OC90: variants seen among roughly 807,000 people sequenced by gnomAD.
OC90 encodes otoconin-90.
In OC90, 46 loss-of-function variants were observed where a neutral mutation model predicts 47.3. That is an observed-to-expected ratio of 0.97 (90% CI 0.77 to 1.24). The LOEUF is 1.24. Among genes scored for constraint, OC90 ranks in the 50% most tolerant of loss-of-function variants. The pLI, the probability that OC90 is intolerant of heterozygous loss-of-function variation, is 0.00. For synonymous variants in OC90, 271 were observed against 219.5 expected, an observed-to-expected ratio of 1.23 and a Z score of -2.07; for missense variants, 688 against 583.9, an observed-to-expected ratio of 1.18 and a Z score of -1.84.
intron 12 of OC90, among the ~76,000 whole-genome samples, chr8:132,029,621 C>T (rs979009663): frequency 2.6e-5 from 4 of 152,182 alleles, no homozygotes; most frequent in Admixed American, 6.5e-5. Flanking sequence ...AATCTCACAT[C>T]CACAGTGCAC....
intron 3 of OC90, among the ~76,000 whole-genome samples, chr8:132,045,145 A>C (rs1350628407): frequency 6.6e-6 from 1 of 152,204 alleles, no homozygotes; most frequent in Non-Finnish European, 1.5e-5. Context: ...TGGGCATTGC[A>C]CTTCCTCTAG....
intron 6 of OC90, among the ~76,000 whole-genome samples, chr8:132,040,728 G>A (rs761470723): frequency 7.9e-5 from 12 of 152,220 alleles, no homozygotes; most frequent in Non-Finnish European, 1.6e-4. Context: ...AAATAATTCT[G>A]CAATGCTACA....
intron 13 of OC90, among the ~76,000 whole-genome samples, chr8:132,026,211 AAT>A (rs1408599973): frequency 2.0e-5 from 3 of 152,214 alleles, no homozygotes; most frequent in Non-Finnish European, 4.4e-5. Flanking sequence ...ACTCAAATGA[AAT>A]AATATCTTTG....
rs1472395966 is a variant in OC90, at chr8:132,024,450, A to G, written c.*31T>C. On this transcript the variant is annotated 3_prime_UTR_variant, in exon 14 of 14. Transcript: ENST00000254627. Reference sequence around the variant, plus strand: ...CTGAAGGTGGAGCAGGAGCCACGCTACTGAAGGTGTTAGCCATTTTCTCTG... The same window carrying G: ...CTGAAGGTGGAGCAGGAGCCACGCTGCTGAAGGTGTTAGCCATTTTCTCTG... 6.7e-7 allele frequency: 1 copy of G among 1,485,242 alleles called. No homozygotes were observed. The highest frequency in any genetic ancestry group is 1.4e-5 in the African/African-American group (1 of 71,124). 92.0% of individuals were successfully genotyped at this position (1,485,242 alleles called of 1,614,324 possible). A position where few individuals can be genotyped will look rare whatever the true frequency, so the allele number is the denominator to read the frequency against.
intron 2 of OC90, among the ~76,000 whole-genome samples, chr8:132,051,955 C>G (rs1823216423): frequency 6.6e-6 from 1 of 152,088 alleles, no homozygotes; most frequent in African/African-American, 2.4e-5. Context: ...ACTCTTGGCT[C>G]AAATTTAAAA....
chr8:132,031,513 G>A (rs147407583), intron 12 of OC90, among the ~76,000 whole-genome samples: 100 of 152,312 alleles, frequency 6.6e-4, no homozygotes, highest in African/African-American at 2.3e-3. Context: ...CTACATGTTG[G>A]TTATTGCAAA....
At chr8:132,025,812 G>A (rs1032537669) in intron 13 of OC90, among the ~76,000 whole-genome samples, 1 of 152,208 alleles carries the variant, frequency 6.6e-6, no homozygotes, top group Non-Finnish European at 1.5e-5. Context: ...TGCAGAGCCT[G>A]TCTGGATTTG....
At chr8:132,032,455 C>G (rs1327702198) in intron 11 of OC90, among the ~76,000 whole-genome samples, 2 of 152,092 alleles carry the variant, frequency 1.3e-5, no homozygotes, top group Non-Finnish European at 2.9e-5. Context: ...GCTTGCCTTT[C>G]TCTCCTCTGC....
At chr8:132,032,206 G>T (rs1822887790) in intron 11 of OC90, among the ~76,000 whole-genome samples, 154 bp from the exon 12 acceptor site, 1 of 152,218 alleles carries the variant, frequency 6.6e-6, no homozygotes, top group Non-Finnish European at 1.5e-5. Context: ...TTCTGGGAAA[G>T]CTGTTATGGC....
Position 132,039,140 on chromosome 8 carries a change from C to A in OC90, c.458-17G>T, listed in dbSNP as rs1295381861. On this transcript the variant is annotated splice_polypyrimidine_tract_variant and intron_variant, in intron 6 of 13. Coordinates refer to ENST00000254627, the MANE Select transcript of OC90 (RefSeq NM_001080399.3). ...CCTTGGACTCTGCACACAGCAAGAGCATAGCCAATTGGAAAGATCTCAGCT... is the reference window on the plus strand; with the variant it reads ...CCTTGGACTCTGCACACAGCAAGAGAATAGCCAATTGGAAAGATCTCAGCT... The A allele has an allele frequency of 6.3e-7, 1 of 1,587,064 alleles. No individual in the cohort carries two copies. Among genetic ancestry groups the A allele is most frequent in the Non-Finnish European group, 8.6e-7 (1 of 1,166,512 alleles).
chr8:132,028,593 A>AGGAAGGAG (rs1337986831), intron 13 of OC90, among the ~76,000 whole-genome samples: 8 of 35,722 alleles, frequency 2.2e-4, no homozygotes, highest in Admixed American at 1.1e-3. Context: ...GAAGGAAGGA[A>AGGAAGGAG]GGAAGGAGGG....
At chr8:132,043,144 T>C (rs766236218) in intron 4 of OC90, among the ~76,000 whole-genome samples, 2 of 152,194 alleles carry the variant, frequency 1.3e-5, no homozygotes, top group African/African-American at 2.4e-5. Context: ...TAAGCCAGTA[T>C]GGGAAGAAAT....
At chr8:132,032,394 C>G (rs1822889830) in intron 11 of OC90, among the ~76,000 whole-genome samples, 1 of 152,126 alleles carries the variant, frequency 6.6e-6, no homozygotes, top group African/African-American at 2.4e-5. Context: ...GGGAGCATCC[C>G]AGCTGAACTC....
chr8:132,045,690 A>C, intron 3 of OC90, 128 bp downstream of exon 3: 1 of 605,906 alleles, frequency 1.7e-6, no homozygotes, highest in Non-Finnish European at 3.0e-6. Flanking sequence ...GTCCCACTTC[A>C]ATCCCTTTAC....
chr8:132,031,834 A>G, intron 12 of OC90, 47 bp downstream of exon 12: 1 of 1,535,828 alleles, frequency 6.5e-7, no homozygotes, highest in Non-Finnish European at 9.0e-7. Flanking sequence ...TGGTGCAGAC[A>G]GCATCAGCAC....
In OC90 at chr8:132,041,069, A is replaced by G. The variant is rs1823045947; in HGVS notation, c.432T>C (p.Asn144=). 8.1e-6 allele frequency: 13 copies of G among 1,610,082 alleles called. No individual in the cohort carries two copies. Among genetic ancestry groups the G allele is most frequent in the Non-Finnish European group, 1.0e-5 (12 of 1,176,426 alleles). ...CACATATGATCTTCTTGCTGACACAATTGACCTCTGTGCTAAGTTTGGCGG... is the reference window on the plus strand; with the variant it reads ...CACATATGATCTTCTTGCTGACACAGTTGACCTCTGTGCTAAGTTTGGCGG... ...QDPAKLSTEV[N]CVSKKIICES... The change falls in exon 6 of 14, where the codon AAT becomes AAC. Residue 144 remains asparagine, a synonymous_variant. Transcript: ENST00000254627.
chr8:132,037,457 C>G lies in OC90; in HGVS notation c.660G>C (p.Leu220=). The G allele has an allele frequency of 1.9e-6, 3 of 1,583,722 alleles. No homozygotes were observed. Among genetic ancestry groups the G allele is most frequent in the Non-Finnish European group, 2.6e-6 (3 of 1,163,694 alleles). The change falls in exon 9 of 14, where the codon CTG becomes CTC. Residue 220 remains leucine, a synonymous_variant. Transcript: ENST00000254627. ...GCTCACCTTCTCCTGAAAGGGCTGT[C>G]AGGCTGGTGTCTGTGGGCTCCACAG... ...VVPVEPTDTS[L]TALSGEEAGH... is the part of the protein sequence containing the mutation.
At chr8:132,048,640 T>A (rs1823169387) in intron 2 of OC90, among the ~76,000 whole-genome samples, 3 of 151,460 alleles carry the variant, frequency 2.0e-5, no homozygotes, top group African/African-American at 7.4e-5. Context: ...TCAATAACTA[T>A]CATCAAGGGA....
Position 132,055,675 on chromosome 8 carries a change from T to C in OC90, c.-47-602A>G, listed in dbSNP as rs563364017. Among the ~76,000 whole-genome samples the C allele has an allele frequency of 4.6e-5, 7 of 152,316 alleles. No individual in the cohort carries two copies. The South Asian group carries it at 1.2e-3, about 27-fold the overall frequency. ...AAGCTTTTCCGGCAGCATCTCCCTC[T>C]TCCTTCCCTTCCTCGGCTTTTGAGT... is the stretch of plus-strand genomic sequence containing the variant. On this transcript the variant is annotated intron_variant, in intron 1 of 13. Transcript: ENST00000254627.
Sources: gnomAD v4.1 joint callset for allele counts (sites outside exome capture counted in the v4.1 genomes callset) on GRCh38, gnomAD v4.1.1 for gene constraint, MANE v1.5 for transcripts, NCBI Gene and HGNC (gene_info 2026-07-23, HGNC 2026-07-21) for gene names.